Variants in TJP3 observed in about 807,000 individuals in gnomAD.
TJP3 encodes tight junction protein 3, also known as tight junction protein ZO-3.
In TJP3, 85 loss-of-function variants were observed where a neutral mutation model predicts 104.2. The observed-to-expected ratio is 0.82, with a 90% CI of 0.68 to 0.98. The LOEUF is 0.98. TJP3 is among the 50% of genes least tolerant of loss of function. The pLI is 0.00. For synonymous variants in TJP3, 550 were observed against 550.6 expected, an observed-to-expected ratio of 1.00 and a Z score of 0.02; for missense variants, 1,367 against 1,322.8, an observed-to-expected ratio of 1.03 and a Z score of -0.52.
chr19:3,724,277 G>T (rs934095563), intron 1 of TJP3, among the ~76,000 whole-genome samples: 77 of 149,898 alleles, frequency 5.1e-4, no homozygotes, highest in African/African-American at 1.9e-3. Flanking sequence ...CTCACTGCAA[G>T]CTCCGCCTCC....
intron 15 of TJP3, among the ~76,000 whole-genome samples, chr19:3,744,911 G>C (rs2036866439): frequency 6.6e-6 from 1 of 152,032 alleles, no homozygotes; most frequent in Admixed American, 6.6e-5. Flanking sequence ...CTGGGTGACA[G>C]AGGGAGACCC....
At chr19:3,711,847 C>CT (rs1184188621) in intron 1 of TJP3, among the ~76,000 whole-genome samples, 1 of 150,678 alleles carries the variant, frequency 6.6e-6, no homozygotes, top group African/African-American at 2.4e-5. Context: ...TCCTTTCTTT[C>CT]TTTTTTTTAA....
intron 6 of TJP3, among the ~76,000 whole-genome samples, chr19:3,732,908 G>C (rs999165490): frequency 1.3e-5 from 2 of 152,062 alleles, no homozygotes; most frequent in Non-Finnish European, 2.9e-5. Flanking sequence ...GCCTCCCAAA[G>C]TGCTGGGATT....
At chr19:3,725,155 G>A (rs1427544382) in intron 1 of TJP3, among the ~76,000 whole-genome samples, 3 of 152,128 alleles carry the variant, frequency 2.0e-5, no homozygotes, top group Non-Finnish European at 4.4e-5. Flanking sequence ...CCAGCTACCT[G>A]GGAGGCTGAA....
intron 5 of TJP3, among the ~76,000 whole-genome samples, chr19:3,731,446 A>G (rs2074992): frequency 0.29 from 43,742 of 151,892 alleles, 6,457 homozygotes; most frequent in East Asian, 0.38. Flanking sequence ...CAGCCTGACC[A>G]CTATGATGAA....
At chr19:3,710,683 G>A (rs1349161561) in intron 1 of TJP3, among the ~76,000 whole-genome samples, 5 of 152,106 alleles carry the variant, frequency 3.3e-5, no homozygotes, top group South Asian at 2.1e-4. Context: ...GGGAGGGGTC[G>A]CCCAGGGAGC....
rs72990515 is a variant in TJP3 at position 3,745,859 on chromosome 19, G to A, written c.1940-152G>A. 1,605 of 653,484 alleles carry A rather than the reference G, an allele frequency of 2.5e-3. 6 individuals carry two copies. Among genetic ancestry groups the A allele is most frequent in the Non-Finnish European group, 3.5e-3 (1,330 of 378,636 alleles). 40.5% of individuals were successfully genotyped at this position (653,484 alleles called of 1,614,324 possible). On this transcript the variant is annotated intron_variant, in intron 15 of 20. Coordinates refer to ENST00000541714, the MANE Select transcript of TJP3 (RefSeq NM_001267560.2). ...GATGTGAGTGCAGTGCCTGGCACTTGGCCAACATGAGTTTCTGCTGCTGTT... is the reference window on the plus strand; with the variant it reads ...GATGTGAGTGCAGTGCCTGGCACTTAGCCAACATGAGTTTCTGCTGCTGTT...
chr19:3,747,320 CA>C (rs2036912105), intron 18 of TJP3, among the ~76,000 whole-genome samples: 1 of 152,134 alleles, frequency 6.6e-6, no homozygotes. Flanking sequence ...CTCAGCTTCC[CA>C]AAGTGCTGGG....
intron 1 of TJP3, among the ~76,000 whole-genome samples, chr19:3,715,874 G>A (rs147076436): frequency 2.0e-5 from 3 of 152,218 alleles, no homozygotes; most frequent in African/African-American, 4.8e-5. Flanking sequence ...TGCCTCCTGG[G>A]TTCAAGCAAC....
In TJP3 at chr19:3,730,647, G is replaced by T; in HGVS notation, c.554G>T (p.Arg185Leu). The T allele has an allele frequency of 6.2e-7, 1 of 1,611,596 alleles. No homozygotes were observed. Among genetic ancestry groups the T allele is most frequent in the Non-Finnish European group, 8.5e-7 (1 of 1,179,994 alleles). Reference protein sequence around the residue: ...ALVSGFKRLPRQDVQMKPVKS... With the variant: ...ALVSGFKRLPLQDVQMKPVKS... ...GTGTCCGGCTTTAAGCGGCTGCCAC[G>T]GCAGGACGTGCAGATGAAGCCTGTG... The change falls in exon 5 of 21, where the codon CGG (arginine) becomes CTG (leucine). Residue 185 changes from arginine to leucine, a missense_variant. Coordinates refer to ENST00000541714, the MANE Select transcript of TJP3 (RefSeq NM_001267560.2). This position sits in a 1 kb window ranked among gnomAD's most constrained non-coding sequence, Gnocchi z 7.3.
chr19:3,718,791 C>G (rs2036515553), intron 1 of TJP3, among the ~76,000 whole-genome samples: 1 of 152,068 alleles, frequency 6.6e-6, no homozygotes, highest in African/African-American at 2.4e-5. Context: ...GCAGAGACTG[C>G]TTTGAGCAAT....
intron 1 of TJP3, among the ~76,000 whole-genome samples, chr19:3,718,212 AGTGTGTGTGTGT>A (rs71339057): frequency 2.3e-4 from 11 of 48,272 alleles, no homozygotes; most frequent in Admixed American, 9.6e-4. Flanking sequence ...AAAAAAAAAA[AGTGTGTGTGTGT>A]GTGTGTGTGT....
intron 1 of TJP3, among the ~76,000 whole-genome samples, chr19:3,713,882 ATT>A (rs1157776355): frequency 2.7e-4 from 36 of 135,722 alleles, no homozygotes; most frequent in African/African-American, 5.9e-4. Flanking sequence ...TGCCCAGCTA[ATT>A]TTTTTTTTTT....
intron 1 of TJP3, among the ~76,000 whole-genome samples, chr19:3,728,145 C>T (rs1357515288): frequency 6.6e-6 from 1 of 151,850 alleles, no homozygotes; most frequent in Non-Finnish European, 1.5e-5. Flanking sequence ...GAGGCTGAGG[C>T]AGGAGAATCG....
rs533889094 is a variant in TJP3, at chr19:3,735,561, A to T, written c.987-5A>T. The T allele has an allele frequency of 1.5e-5, 24 of 1,614,058 alleles. No homozygotes were observed. In the Admixed American group the frequency reaches 3.8e-4, roughly 26 times the overall value. On this transcript the variant is annotated splice_region_variant and splice_polypyrimidine_tract_variant and intron_variant, in intron 8 of 20. Transcript: ENST00000541714. ...CTGCCTCACTCCCAATCTGTTCCCC[A>T]CCAGGGAGAGTCCCCGGCTTCGGCG...
At chr19:3,725,787 A>C (rs1335876086) in intron 1 of TJP3, among the ~76,000 whole-genome samples, 2 of 152,068 alleles carry the variant, frequency 1.3e-5, no homozygotes, top group African/African-American at 4.8e-5. Context: ...CAGGCATTGA[A>C]TCTGTACCCT....
chr19:3,711,188 C>A (rs1254812185), intron 1 of TJP3, among the ~76,000 whole-genome samples: 17 of 55,512 alleles, frequency 3.1e-4, no homozygotes, highest in African/African-American at 3.1e-4. Context: ...CGTGAGCCAC[C>A]ATGCCCGGCC....
chr19:3,740,827 A>G, intron 14 of TJP3, 64 bp downstream of exon 14: 1 of 1,411,960 alleles, frequency 7.1e-7, no homozygotes, highest in South Asian at 1.6e-5. Context: ...GCACCTGTTC[A>G]CTAACATTCA....
intron 6 of TJP3, 24 bp from the exon 7 acceptor site, chr19:3,733,729 T>C: frequency 1.2e-6 from 2 of 1,612,378 alleles, no homozygotes; most frequent in South Asian, 2.2e-5. Context: ...TCACTTCCGC[T>C]CTTTCATTCC....
Sources: allele counts gnomAD v4.1 joint callset (sites outside exome capture counted in the v4.1 genomes callset), GRCh38; gene constraint gnomAD v4.1.1; non-coding constraint Gnocchi (gnomAD v3.1); transcripts MANE v1.5; gene names NCBI Gene and HGNC (gene_info 2026-07-23, HGNC 2026-07-21).